The following P3H2 variants were observed in gnomAD, a reference collection of about 807,000 sequenced individuals.
P3H2 encodes leprecan-like 1.
In P3H2, 80 loss-of-function variants were observed where a neutral mutation model predicts 87.0. The observed-to-expected ratio is 0.92, with a 90% confidence interval of 0.77 to 1.11. P3H2 has a LOEUF of 1.11. P3H2 is among the 50% of genes least tolerant of loss of function. The pLI is 0.00. For missense variants in P3H2, 1,001 were observed against 923.9 expected (o/e 1.08, Z -1.08); for synonymous variants, 367 against 359.3 (o/e 1.02, Z -0.24).
chr3:190,041,080 A>ACT lies in P3H2; in HGVS notation c.481-45640_481-45639dup, dbSNP rs1396727352. ...CACACACACACACACACACACACAC[A>ACT]CTCTCTCTCTCTATATATATATATA... is the stretch of plus-strand genomic sequence containing the variant. On this transcript the variant is annotated intron_variant, in intron 1 of 14. Coordinates refer to ENST00000319332, the MANE Select transcript of P3H2 (RefSeq NM_018192.4). 6.2e-4 allele frequency among the ~76,000 whole-genome samples: 25 copies of ACT among 40,596 alleles called. 6 individuals are homozygous for ACT. In the East Asian group the frequency reaches 0.021, roughly 34 times the overall value. 26.6% of individuals were successfully genotyped at this position (40,596 alleles called of 152,430 possible). A position where few individuals can be genotyped will look rare whatever the true frequency, so the allele number is the denominator to read the frequency against.
Position 190,120,758 on chromosome 3 carries a change from G to A in P3H2, c.-27C>T, listed in dbSNP as rs1372329493. ...CTCCGCCTCAGAGAGGCGCGGGACGGTTACGCTCGAGAGGGCTTCGGGGCA... is the reference window on the plus strand; with the variant it reads ...CTCCGCCTCAGAGAGGCGCGGGACGATTACGCTCGAGAGGGCTTCGGGGCA... On this transcript the variant is annotated 5_prime_UTR_variant, in exon 1 of 15. Coordinates refer to ENST00000319332, the MANE Select transcript of P3H2 (RefSeq NM_018192.4). The A allele has an allele frequency of 2.0e-6, 3 of 1,515,672 alleles. No homozygotes were observed. Among genetic ancestry groups the A allele is most frequent in the Non-Finnish European group, 2.6e-6 (3 of 1,139,092 alleles). 93.9% of individuals were successfully genotyped at this position (1,515,672 alleles called of 1,614,324 possible). A position where few individuals can be genotyped will look rare whatever the true frequency, so the allele number is the denominator to read the frequency against.
At chr3:190,090,579 T>C (rs977211526) in intron 1 of P3H2, among the ~76,000 whole-genome samples, 6 of 152,034 alleles carry the variant, frequency 3.9e-5, no homozygotes, top group Admixed American at 3.3e-4. Context: ...GGCGGGCACC[T>C]GTAGTCCCAG....
chr3:190,064,349 A>G (rs183463326), intron 1 of P3H2, among the ~76,000 whole-genome samples: 1 of 152,078 alleles, frequency 6.6e-6, no homozygotes, highest in South Asian at 2.1e-4. Flanking sequence ...TCTTGGCTAC[A>G]CTTCAGTAAC....
chr3:190,053,947 T>C (rs926156031), intron 1 of P3H2, among the ~76,000 whole-genome samples: 4 of 152,350 alleles, frequency 2.6e-5, no homozygotes, highest in Non-Finnish European at 4.4e-5. Flanking sequence ...CTACAATCTA[T>C]TGAGGTTTTT....
At chr3:190,065,370 C>G (rs968105862) in intron 1 of P3H2, among the ~76,000 whole-genome samples, 3 of 152,100 alleles carry the variant, frequency 2.0e-5, no homozygotes, top group African/African-American at 7.2e-5. Context: ...AGTGTCAATA[C>G]CCAGGAGGAT....
rs137962147 is a variant in P3H2, at chr3:190,060,075, C to A, written c.480+60177G>T. 2.2e-3 allele frequency among the ~76,000 whole-genome samples: 328 copies of A among 152,232 alleles called. 1 individual carries two copies. Among genetic ancestry groups the A allele is most frequent in the African/African-American group, 7.6e-3 (315 of 41,552 alleles). On this transcript the variant is annotated intron_variant, in intron 1 of 14. Transcript: ENST00000319332. ...AGAATTTAGAACATTTTGATGAAAA[C>A]ATTTTTCTTAAGACTAATCCAATGC...
chr3:190,108,918 A>G (rs1167528825), intron 1 of P3H2, among the ~76,000 whole-genome samples: 1 of 152,242 alleles, frequency 6.6e-6, no homozygotes, highest in East Asian at 1.9e-4. Context: ...ATTTCTAGCC[A>G]GAGGAATTAC....
intron 14 of P3H2, among the ~76,000 whole-genome samples, chr3:189,959,256 T>C (rs1722735662): frequency 6.6e-6 from 1 of 151,620 alleles, no homozygotes; most frequent in African/African-American, 2.4e-5. Context: ...ATTTATTTAT[T>C]TATTTTTTAT....
At chr3:190,038,254 A>C (rs955026744) in intron 1 of P3H2, among the ~76,000 whole-genome samples, 18 of 113,732 alleles carry the variant, frequency 1.6e-4, no homozygotes, top group African/African-American at 5.2e-4. Context: ...AAAAAAAAAA[A>C]AACTGTCACA....
intron 13 of P3H2, among the ~76,000 whole-genome samples, chr3:189,964,590 C>T (rs1220721019): frequency 1.3e-5 from 2 of 152,230 alleles, no homozygotes; most frequent in Admixed American, 1.3e-4. Context: ...TTAAATTGTA[C>T]ATTCATGGTT....
chr3:190,015,645 A>T (rs987667810), intron 1 of P3H2, among the ~76,000 whole-genome samples: 1 of 151,992 alleles, frequency 6.6e-6, no homozygotes, highest in Non-Finnish European at 1.5e-5. Flanking sequence ...AGCATTTCTG[A>T]TTTTCCCAAG....
At chr3:190,008,287 T>C (rs1480664058) in intron 1 of P3H2, among the ~76,000 whole-genome samples, 1 of 152,124 alleles carries the variant, frequency 6.6e-6, no homozygotes, top group Non-Finnish European at 1.5e-5. Context: ...ATTAAGAGTC[T>C]ACCATTTTTA....
At chr3:189,994,532 C>G (rs78613259) in intron 2 of P3H2, among the ~76,000 whole-genome samples, 1,543 of 152,102 alleles carry the variant, frequency 0.01, 22 homozygotes, top group African/African-American at 0.036. Flanking sequence ...CAGTCAATGT[C>G]GTTTTTTTCC....
At chr3:189,967,111 T>C (rs930857568) in intron 13 of P3H2, among the ~76,000 whole-genome samples, 4 of 152,032 alleles carry the variant, frequency 2.6e-5, no homozygotes, top group Non-Finnish European at 5.9e-5. Context: ...AAACTTCCTG[T>C]GGGGAAAGAT....
chr3:190,050,121 T>C (rs1165725193), intron 1 of P3H2, among the ~76,000 whole-genome samples: 2 of 152,184 alleles, frequency 1.3e-5, no homozygotes, highest in African/African-American at 4.8e-5. Context: ...TGATTAAATT[T>C]TCCCCATGTG....
rs1722678530 is a variant in P3H2, at chr3:189,957,687, C to A, written c.*225G>T. On this transcript the variant is annotated 3_prime_UTR_variant, in exon 15 of 15. Transcript: ENST00000319332. Reference sequence around the variant, plus strand: ...CTATATCCTAGACAACATGGTTAGACCATGTCTCTAAGAAGAGAGAGAGAG... The same window carrying A: ...CTATATCCTAGACAACATGGTTAGAACATGTCTCTAAGAAGAGAGAGAGAG... 1 of 557,512 alleles carries A rather than the reference C, an allele frequency of 1.8e-6. No homozygotes were observed. Among genetic ancestry groups the A allele is most frequent in the Non-Finnish European group, 3.1e-6 (1 of 317,678 alleles). The allele number at this position is 557,512 out of a possible 1,614,324, so 34.5% of individuals were successfully genotyped here. A position where few individuals can be genotyped will look rare whatever the true frequency, so the allele number is the denominator to read the frequency against.
chr3:190,091,105 T>A (rs999206252), intron 1 of P3H2, among the ~76,000 whole-genome samples: 1 of 152,222 alleles, frequency 6.6e-6, no homozygotes, highest in African/African-American at 2.4e-5. Flanking sequence ...CAAAGCTAGT[T>A]TTTTATTGTG....
chr3:190,011,925 A>G (rs1239910901), intron 1 of P3H2, among the ~76,000 whole-genome samples: 1 of 152,236 alleles, frequency 6.6e-6, no homozygotes, highest in Non-Finnish European at 1.5e-5. Context: ...CATGATATCC[A>G]CATGGAGAAA....
chr3:189,984,409 T>G (rs980988516), intron 7 of P3H2, 141 bp downstream of exon 7: 9 of 669,520 alleles, frequency 1.3e-5, no homozygotes, highest in Middle Eastern at 3.5e-4. Flanking sequence ...GGGACCTGGA[T>G]GTAGAGCTCC....
Sources: allele counts gnomAD v4.1 joint callset (sites outside exome capture counted in the v4.1 genomes callset), GRCh38; gene constraint gnomAD v4.1.1; transcripts MANE v1.5; gene names NCBI Gene and HGNC (gene_info 2026-07-23, HGNC 2026-07-21).